The following RUNX1 variants were observed in gnomAD, a reference collection of about 807,000 sequenced individuals.
RUNX1 encodes RUNX family transcription factor 1.
RUNX1 carries 19 observed loss-of-function variants against 42.8 expected under a neutral mutation model. The ratio of observed to expected loss-of-function variants is 0.44; its 90% CI spans 0.31 to 0.65. The LOEUF is 0.65. Among genes scored for constraint, RUNX1 ranks in the 30% least tolerant of loss-of-function variants. RUNX1 has a pLI of 0.07. For synonymous variants in RUNX1, 271 were observed against 289.4 expected, an observed-to-expected ratio of 0.94 and a Z score of 0.64; for missense variants, 528 against 672.0, an observed-to-expected ratio of 0.79 and a Z score of 2.37.
intron 6 of RUNX1, among the ~76,000 whole-genome samples, chr21:34,839,245 G>A (rs1024472637): frequency 7.3e-5 from 11 of 151,170 alleles, no homozygotes; most frequent in Non-Finnish European, 1.3e-4. Flanking sequence ...AACACCCACC[G>A]ACACACACAC....
intron 7 of RUNX1, 96 bp downstream of exon 7, chr21:34,834,314 C>A (rs772161673): frequency 5.5e-6 from 7 of 1,263,624 alleles, no homozygotes; most frequent in Admixed American, 1.7e-5. Context: ...AGGGGAAACC[C>A]CAGTTGGTCT....
At chr21:34,914,065 C>T (rs1016064034) in intron 2 of RUNX1, among the ~76,000 whole-genome samples, 3 of 152,124 alleles carry the variant, frequency 2.0e-5, no homozygotes, top group Admixed American at 6.5e-5. Context: ...CAGGCTATGC[C>T]GAGGGAATTC....
intron 2 of RUNX1, among the ~76,000 whole-genome samples, chr21:34,911,798 C>A (rs564101790): frequency 4.6e-5 from 7 of 152,146 alleles, no homozygotes; most frequent in Non-Finnish European, 1.0e-4. Context: ...CTCACAGACG[C>A]GCCAAGCTTT....
chr21:34,881,188 G>A (rs1249140723), intron 4 of RUNX1, among the ~76,000 whole-genome samples: 1 of 152,124 alleles, frequency 6.6e-6, no homozygotes, highest in Non-Finnish European at 1.5e-5. Context: ...TCCTGTGTTT[G>A]TAAGTTTATA....
intron 2 of RUNX1, among the ~76,000 whole-genome samples, chr21:34,982,253 T>G (rs1198468412): frequency 6.6e-6 from 1 of 152,198 alleles, no homozygotes. Flanking sequence ...AGAATTCTTC[T>G]AGGGATAGAC....
At chr21:34,820,760 G>A in intron 7 of RUNX1, among the ~76,000 whole-genome samples, 1 of 152,152 alleles carries the variant, frequency 6.6e-6, no homozygotes, top group East Asian at 1.9e-4. Context: ...CCCTGAGATG[G>A]TGTATTTCCA....
At chr21:34,804,696 G>T (rs1222896711) in intron 7 of RUNX1, among the ~76,000 whole-genome samples, 1 of 150,912 alleles carries the variant, frequency 6.6e-6, no homozygotes, top group Non-Finnish European at 1.5e-5. Context: ...GGAAAAAGAA[G>T]ACAAGGTGCA....
intron 5 of RUNX1, among the ~76,000 whole-genome samples, chr21:34,879,212 A>C (rs1002326759): frequency 1.3e-5 from 2 of 152,236 alleles, no homozygotes; most frequent in African/African-American, 4.8e-5. Context: ...CTTTTAATAC[A>C]ACAAGTGAAC....
At chr21:34,936,868 T>A (rs2058489779) in intron 2 of RUNX1, among the ~76,000 whole-genome samples, 1 of 152,334 alleles carries the variant, frequency 6.6e-6, no homozygotes, top group African/African-American at 2.4e-5. Context: ...TCTTTTTTTT[T>A]CTTCCTATCC....
chr21:34,928,964 G>C (rs71324336), intron 2 of RUNX1, among the ~76,000 whole-genome samples: 51 of 119,362 alleles, frequency 4.3e-4, no homozygotes, highest in African/African-American at 1.3e-3. Flanking sequence ...TTTTTTTTGG[G>C]GGGGGGGGTA....
At chr21:34,793,137 G>A (rs1369357822) in intron 8 of RUNX1, among the ~76,000 whole-genome samples, 2 of 150,382 alleles carry the variant, frequency 1.3e-5, no homozygotes, top group Non-Finnish European at 3.0e-5. Flanking sequence ...GGGCTACTGA[G>A]GATGCTGCTG....
intron 2 of RUNX1, among the ~76,000 whole-genome samples, chr21:35,017,940 T>C (rs762064174): frequency 6.6e-5 from 10 of 152,208 alleles, no homozygotes; most frequent in Non-Finnish European, 2.9e-5. Context: ...CCCCAGATAT[T>C]AAATCAATGA....
intron 7 of RUNX1, among the ~76,000 whole-genome samples, chr21:34,801,511 A>G (rs1389657818): frequency 6.6e-6 from 1 of 152,232 alleles, no homozygotes; most frequent in Non-Finnish European, 1.5e-5. Context: ...TCCAAGTTCT[A>G]TGAGTTTTTT....
chr21:35,025,113 G>A (rs944682924), intron 2 of RUNX1, among the ~76,000 whole-genome samples: 1 of 152,168 alleles, frequency 6.6e-6, no homozygotes, highest in Non-Finnish European at 1.5e-5. Flanking sequence ...CCCTCCCAGG[G>A]GATGACTTTG....
rs371087264 is a variant in RUNX1 at position 34,886,795 on chromosome 21, C to T, written c.351+48G>A. On this transcript the variant is annotated intron_variant, in intron 4 of 8. Coordinates refer to ENST00000675419, the MANE Select transcript of RUNX1 (RefSeq NM_001754.5). ...CGCTGCCCTCGCGGATCTCCCCCGG[C>T]CTCGCCGGCCTCCGCCTGTCCTCCC... 81 of 1,610,946 alleles carry T rather than the reference C, an allele frequency of 5.0e-5. No individual in the cohort carries two copies. In the African/African-American group the frequency reaches 8.8e-4, roughly 18 times the overall value.
intron 5 of RUNX1, among the ~76,000 whole-genome samples, chr21:34,872,837 C>T (rs9977862): frequency 0.031 from 4,769 of 152,166 alleles, 229 homozygotes; most frequent in African/African-American, 0.11. Flanking sequence ...TACACGACCA[C>T]CAAAAATGTC....
At chr21:34,888,497 G>A in intron 3 of RUNX1, 1 of 1,066,016 alleles carries the variant, frequency 9.4e-7, no homozygotes, top group Non-Finnish European at 1.1e-6. Flanking sequence ...AGGAAGAAAG[G>A]GGAAAAACAA....
chr21:34,951,265 T>G (rs2058605128), intron 2 of RUNX1, among the ~76,000 whole-genome samples: 1 of 152,250 alleles, frequency 6.6e-6, no homozygotes, highest in Non-Finnish European at 1.5e-5. Context: ...CACTCAAACT[T>G]GAGAAGCTGC....
chr21:34,816,046 C>T (rs542705662), intron 7 of RUNX1, among the ~76,000 whole-genome samples: 14 of 152,056 alleles, frequency 9.2e-5, no homozygotes, highest in Admixed American at 7.2e-4. Flanking sequence ...AGGCTCTCCC[C>T]CCAGGTTCCC....
Sources: gnomAD v4.1 joint callset for allele counts (sites outside exome capture counted in the v4.1 genomes callset) on GRCh38, gnomAD v4.1.1 for gene constraint, MANE v1.5 for transcripts, NCBI Gene and HGNC (gene_info 2026-07-23, HGNC 2026-07-21) for gene names.